Variants in DDAH1 observed in about 807,000 individuals in gnomAD.
The protein encoded by DDAH1 is N(G),N(G)-dimethylarginine dimethylaminohydrolase 1.
In DDAH1, 19 loss-of-function variants were observed where a neutral mutation model predicts 28.8. That is an observed-to-expected ratio of 0.66 (90% CI 0.46 to 0.97). The LOEUF is 0.97. Among genes scored for constraint, DDAH1 ranks in the 50% least tolerant of loss-of-function variants. DDAH1 has a pLI of 0.00. For missense variants in DDAH1, 326 were observed against 375.9 expected, an observed-to-expected ratio of 0.87 and a Z score of 1.10; for synonymous variants, 153 against 154.4, an observed-to-expected ratio of 0.99 and a Z score of 0.07.
intron 2 of DDAH1, among the ~76,000 whole-genome samples, chr1:85,482,981 T>G (rs537679571): frequency 1.3e-5 from 2 of 152,206 alleles, no homozygotes; most frequent in African/African-American, 4.8e-5. Context: ...TCCCAACACT[T>G]TGGGAGGCCG....
chr1:85,509,642 A>C (rs947261316), intron 1 of DDAH1, among the ~76,000 whole-genome samples: 4 of 152,268 alleles, frequency 2.6e-5, no homozygotes, highest in Non-Finnish European at 5.9e-5. Context: ...AGAAGACCTT[A>C]AATGACCTGA....
intron 1 of DDAH1, among the ~76,000 whole-genome samples, chr1:85,564,917 C>T (rs556379568): frequency 2.8e-4 from 43 of 151,622 alleles, no homozygotes; most frequent in Admixed American, 1.9e-3. Flanking sequence ...TACATCGTGG[C>T]CAGGCGCAGT....
chr1:85,414,843 G>A (rs949357554), intron 1 of DDAH1, among the ~76,000 whole-genome samples: 2 of 151,784 alleles, frequency 1.3e-5, no homozygotes, highest in Admixed American at 1.3e-4. Context: ...AAACACAAAT[G>A]GCCCATAAAC....
intron 1 of DDAH1, among the ~76,000 whole-genome samples, chr1:85,419,645 T>A (rs1469584590): frequency 6.6e-6 from 1 of 151,402 alleles, no homozygotes; most frequent in Non-Finnish European, 1.5e-5. Context: ...GTACAAAAAG[T>A]TCCTATATGG....
At chr1:85,323,330 GC>G (rs917497348) in intron 5 of DDAH1, among the ~76,000 whole-genome samples, 17 of 152,290 alleles carry the variant, frequency 1.1e-4, no homozygotes, top group African/African-American at 3.6e-4. Flanking sequence ...GATGCTGAGT[GC>G]CTAGAAGATA....
At chr1:85,562,465 A>T (rs1467244264) in intron 1 of DDAH1, among the ~76,000 whole-genome samples, 2 of 152,186 alleles carry the variant, frequency 1.3e-5, no homozygotes, top group African/African-American at 4.8e-5. Flanking sequence ...CCTAAGGCCT[A>T]GTACCTGAGA....
At chr1:85,344,821 TGTG>T (rs1431033681) in intron 4 of DDAH1, among the ~76,000 whole-genome samples, 1 of 152,040 alleles carries the variant, frequency 6.6e-6, no homozygotes, top group Non-Finnish European at 1.5e-5. Context: ...CAAGGTGAGA[TGTG>T]GTATAGATTT....
chr1:85,380,716 A>AC (rs1467412822), intron 1 of DDAH1, among the ~76,000 whole-genome samples: 1 of 152,094 alleles, frequency 6.6e-6, no homozygotes, highest in African/African-American at 2.4e-5. Flanking sequence ...TGGTAGTAAA[A>AC]CCTGATTTGA....
chr1:85,562,882 A>C (rs933252251), intron 1 of DDAH1, among the ~76,000 whole-genome samples: 1 of 152,226 alleles, frequency 6.6e-6, no homozygotes, highest in Admixed American at 6.5e-5. Context: ...ATACTCCAGC[A>C]AAATTCCAAT....
chr1:85,373,835 A>AT (rs759687446), intron 1 of DDAH1, among the ~76,000 whole-genome samples: 18 of 151,606 alleles, frequency 1.2e-4, no homozygotes, highest in South Asian at 8.3e-4. Flanking sequence ...GATTGCAACT[A>AT]TTTTTTTTTA....
intron 1 of DDAH1, among the ~76,000 whole-genome samples, chr1:85,390,082 CTT>C (rs1651472270): frequency 6.6e-6 from 1 of 152,156 alleles, no homozygotes; most frequent in African/African-American, 2.4e-5. Flanking sequence ...GGTCGCATAT[CTT>C]TCTATGTTAA....
chr1:85,552,400 C>T (rs746552899), intron 1 of DDAH1, among the ~76,000 whole-genome samples: 3 of 152,158 alleles, frequency 2.0e-5, no homozygotes, highest in African/African-American at 2.4e-5. Context: ...AGCTTTTCCT[C>T]GTACAATATA....
intron 1 of DDAH1, among the ~76,000 whole-genome samples, chr1:85,428,856 A>G (rs1653536669): frequency 6.6e-6 from 1 of 152,074 alleles, no homozygotes; most frequent in Non-Finnish European, 1.5e-5. Flanking sequence ...TCTATTGAAT[A>G]TGTATGATAA....
At chr1:85,533,903 G>A (rs1364944306) in intron 1 of DDAH1, among the ~76,000 whole-genome samples, 1 of 152,214 alleles carries the variant, frequency 6.6e-6, no homozygotes, top group Non-Finnish European at 1.5e-5. Flanking sequence ...ATGTCATTAT[G>A]GCTGCATATT....
intron 2 of DDAH1, among the ~76,000 whole-genome samples, chr1:85,491,272 C>T (rs1006245443): frequency 6.6e-5 from 10 of 152,098 alleles, no homozygotes; most frequent in African/African-American, 2.2e-4. Flanking sequence ...TGGTCTCGAG[C>T]TCCTAACATG....
At chr1:85,563,899 C>T (rs890568717) in intron 1 of DDAH1, among the ~76,000 whole-genome samples, 1 of 152,180 alleles carries the variant, frequency 6.6e-6, no homozygotes, top group African/African-American at 2.4e-5. Context: ...TAGAGCTGGG[C>T]GTGATGGCTC....
intron 1 of DDAH1, among the ~76,000 whole-genome samples, chr1:85,409,877 T>C (rs1373205435): frequency 2.6e-5 from 4 of 152,258 alleles, no homozygotes; most frequent in Non-Finnish European, 5.9e-5. Flanking sequence ...CTCATTGCTA[T>C]ACTAGTCCTC....
At chr1:85,462,976 G>A (rs1655193501) in intron 1 of DDAH1, among the ~76,000 whole-genome samples, 1 of 152,226 alleles carries the variant, frequency 6.6e-6, no homozygotes, top group Non-Finnish European at 1.5e-5. Flanking sequence ...TGAATTTCAG[G>A]TAGATTAATA....
At chr1:85,378,231 T>C (rs1650787604) in intron 1 of DDAH1, among the ~76,000 whole-genome samples, 1 of 152,186 alleles carries the variant, frequency 6.6e-6, no homozygotes, top group African/African-American at 2.4e-5. Context: ...CTCCTCCTCA[T>C]AGTTTCTCCC....
Sources: gnomAD v4.1 joint callset for allele counts (sites outside exome capture counted in the v4.1 genomes callset) on GRCh38, gnomAD v4.1.1 for gene constraint, MANE v1.5 for transcripts, NCBI Gene and HGNC (gene_info 2026-07-23, HGNC 2026-07-21) for gene names.